Variants in CHODL observed in about 807,000 individuals in gnomAD.
CHODL encodes chondrolectin.
CHODL carries 29 observed loss-of-function variants against 34.5 expected under a neutral mutation model. The ratio of observed to expected loss-of-function variants is 0.84; its 90% CI spans 0.63 to 1.15. The LOEUF is 1.15. Among genes scored for constraint, CHODL ranks in the 50% most tolerant of loss-of-function variants. The pLI is 0.00. For synonymous variants in CHODL, 125 were observed against 116.1 expected, an observed-to-expected ratio of 1.08 and a Z score of -0.49; for missense variants, 332 against 332.5, an observed-to-expected ratio of 1.00 and a Z score of 0.01.
chr21:17,930,385 T>C (rs2063262584), intron 1 of CHODL, among the ~76,000 whole-genome samples: 1 of 147,728 alleles, frequency 6.8e-6, no homozygotes, highest in Non-Finnish European at 1.5e-5. Context: ...AGCACCTGCA[T>C]GTGCCACAAT....
intron 1 of CHODL, among the ~76,000 whole-genome samples, chr21:18,250,321 T>TAA (rs201255608): frequency 3.3e-5 from 5 of 151,704 alleles, no homozygotes; most frequent in African/African-American, 1.2e-4. Flanking sequence ...TTCTGATTTT[T>TAA]TAAAAAAATA....
chr21:18,194,603 T>TA lies in CHODL; in HGVS notation c.-44-61890dup, dbSNP rs35092206. ...TTTAAATTAGTCACTGAGTTACTCT[T>TA]AAAAAAAAAAAAAAAACTAATGCGT... On this transcript the variant is annotated intron_variant, in intron 2 of 6. Transcript: ENST00000400127. 4.1e-3 allele frequency among the ~76,000 whole-genome samples: 599 copies of TA among 145,174 alleles called. 1 individual carries two copies. Among genetic ancestry groups the TA allele is most frequent in the Admixed American group, 4.8e-3 (69 of 14,502 alleles).
At chr21:18,182,798 G>A (rs534070515) in intron 2 of CHODL, among the ~76,000 whole-genome samples, 2 of 151,868 alleles carry the variant, frequency 1.3e-5, no homozygotes, top group South Asian at 4.2e-4. Flanking sequence ...AAAATACAAG[G>A]TGCAAAAAAA....
chr21:18,155,314 T>G (rs1419660536), intron 2 of CHODL, among the ~76,000 whole-genome samples: 1 of 152,154 alleles, frequency 6.6e-6, no homozygotes, highest in Admixed American at 6.5e-5. Flanking sequence ...CCCTCAGTTC[T>G]CCCTTGAAAG....
intron 1 of CHODL, among the ~76,000 whole-genome samples, chr21:17,959,580 G>A (rs868679292): frequency 7.2e-5 from 11 of 152,066 alleles, no homozygotes; most frequent in African/African-American, 2.2e-4. Context: ...GGCAGAGAGC[G>A]CTCATAGGCT....
At chr21:18,229,711 T>C (rs888039403) in intron 2 of CHODL, among the ~76,000 whole-genome samples, 4 of 152,092 alleles carry the variant, frequency 2.6e-5, no homozygotes, top group Non-Finnish European at 5.9e-5. Context: ...AATATTAACT[T>C]CTTTTTCTTC....
intron 1 of CHODL, among the ~76,000 whole-genome samples, chr21:17,932,895 T>C (rs1009115130): frequency 2.0e-5 from 3 of 152,078 alleles, no homozygotes; most frequent in Non-Finnish European, 2.9e-5. Flanking sequence ...TAGTATTTAT[T>C]GATCATTCTT....
intron 2 of CHODL, among the ~76,000 whole-genome samples, chr21:18,069,919 T>G (rs2064775766): frequency 6.7e-6 from 1 of 150,266 alleles, no homozygotes; most frequent in African/African-American, 2.4e-5. Flanking sequence ...CAAACTTTTC[T>G]TTTCCTCCCT....
chr21:18,029,208 G>A (rs938631963), intron 2 of CHODL, among the ~76,000 whole-genome samples: 5 of 152,228 alleles, frequency 3.3e-5, no homozygotes, highest in Middle Eastern at 3.4e-3. Flanking sequence ...TAAATAGCAT[G>A]AGTGATAATA....
intron 2 of CHODL, among the ~76,000 whole-genome samples, chr21:18,052,112 G>C (rs1345474403): frequency 6.6e-6 from 1 of 151,832 alleles, no homozygotes; most frequent in Non-Finnish European, 1.5e-5. Flanking sequence ...CAAGAATAAA[G>C]AAAGATTTAC....
In CHODL at chr21:18,266,304, A is replaced by C; in HGVS notation, c.*266A>C. 3 of 1,069,784 alleles carry C rather than the reference A, an allele frequency of 2.8e-6. No individual in the cohort carries two copies. Among genetic ancestry groups the C allele is most frequent in the Non-Finnish European group, 3.9e-6 (3 of 770,014 alleles). The allele number at this position is 1,069,784 out of a possible 1,614,324, so 66.3% of individuals were successfully genotyped here. ...TTCAAGCAAATGAAATGGACAATGCAGATAAAGTTGTTATCAACACGTCGG... is the reference window on the plus strand; with the variant it reads ...TTCAAGCAAATGAAATGGACAATGCCGATAAAGTTGTTATCAACACGTCGG... On this transcript the variant is annotated 3_prime_UTR_variant, in exon 6 of 6. Coordinates refer to ENST00000299295, the MANE Select transcript of CHODL (RefSeq NM_024944.3).
At position 18,226,554 on chromosome 21, in the gene CHODL, T is replaced by G. The variant is rs2073932972; in HGVS notation, c.-44-29955T>G. 3.9e-5 allele frequency among the ~76,000 whole-genome samples: 6 copies of G among 152,090 alleles called. No individual in the cohort carries two copies. The South Asian group carries it at 1.2e-3, about 31-fold the overall frequency. ...CCTCAATTGGTCTGCCCGCCTCGGC[T>G]TCCCAAAGTACTGGGATTACAGGTG... On this transcript the variant is annotated intron_variant, in intron 2 of 6. Coordinates refer to the CHODL transcript ENST00000400127.
At chr21:18,242,619 A>C (rs965515430), upstream of CHODL, among the ~76,000 whole-genome samples, 1 of 151,910 alleles carries the variant, frequency 6.6e-6, no homozygotes, top group Non-Finnish European at 1.5e-5. Flanking sequence ...TCACCTTAAA[A>C]AACATCATAT....
At chr21:18,113,139 T>TA (rs1166440325) in intron 2 of CHODL, among the ~76,000 whole-genome samples, 1 of 152,066 alleles carries the variant, frequency 6.6e-6, no homozygotes, top group African/African-American at 2.4e-5. Flanking sequence ...AAAGAAGACA[T>TA]ACAGATGGCA....
chr21:18,054,002 A>G (rs2064549253), intron 2 of CHODL, among the ~76,000 whole-genome samples: 4 of 152,050 alleles, frequency 2.6e-5, no homozygotes, highest in African/African-American at 9.6e-5. Context: ...ATGTATATAT[A>G]TCACATGTGA....
intron 1 of CHODL, among the ~76,000 whole-genome samples, chr21:17,920,056 C>T (rs1265652707): frequency 6.6e-6 from 1 of 152,192 alleles, no homozygotes; most frequent in Non-Finnish European, 1.5e-5. Context: ...GCATTTTATT[C>T]AAAGCCATTC....
intron 2 of CHODL, among the ~76,000 whole-genome samples, chr21:18,092,731 G>A (rs758323899): frequency 7.1e-4 from 108 of 152,330 alleles, no homozygotes; most frequent in African/African-American, 2.4e-3. Context: ...AGAAGAAAGA[G>A]AGTGAACTTG....
intron 2 of CHODL, among the ~76,000 whole-genome samples, chr21:18,031,117 A>G (rs2064242614): frequency 6.6e-6 from 1 of 152,072 alleles, no homozygotes; most frequent in Admixed American, 6.6e-5. Context: ...GAAAACGGAA[A>G]CTCAGAATTG....
At chr21:18,078,661 T>A (rs528110487) in intron 2 of CHODL, among the ~76,000 whole-genome samples, 4 of 152,356 alleles carry the variant, frequency 2.6e-5, no homozygotes, top group African/African-American at 9.6e-5. Flanking sequence ...TTCTCAAAGA[T>A]AAGAATGCCT....
Sources: allele counts gnomAD v4.1 joint callset (sites outside exome capture counted in the v4.1 genomes callset), GRCh38; gene constraint gnomAD v4.1.1; transcripts MANE v1.5; gene names NCBI Gene and HGNC (gene_info 2026-07-23, HGNC 2026-07-21).